ADGRL3: variants seen among roughly 807,000 people sequenced by gnomAD.
The protein encoded by ADGRL3 is adhesion G protein-coupled receptor L3.
Under a neutral mutation model 153.5 loss-of-function variants are expected in ADGRL3, and 62 were observed. The ratio of observed to expected loss-of-function variants is 0.40; its 90% CI spans 0.33 to 0.50. The LOEUF (loss-of-function observed/expected upper bound fraction) is 0.50, where lower values mean the gene tolerates loss of function less well. Ranked by LOEUF, ADGRL3 falls within the 20% of genes least tolerant of loss-of-function variation. ADGRL3 has a pLI of 0.47. For synonymous variants in ADGRL3, 710 were observed against 672.5 expected (o/e 1.06, Z -0.86); for missense variants, 1,641 against 1,859.4 (o/e 0.88, Z 2.16).
chr4:61,778,555 C>CCTAT (rs1472827090), intron 8 of ADGRL3, among the ~76,000 whole-genome samples: 2 of 152,172 alleles, frequency 1.3e-5, no homozygotes, highest in Non-Finnish European at 2.9e-5. Context: ...GTAAAAATTG[C>CCTAT]CTATCTGCAA....
At position 61,483,428 on chromosome 4, in the gene ADGRL3, T is replaced by G. The variant is rs145181235; in HGVS notation, c.-173-13693T>G. Among the ~76,000 whole-genome samples the G allele has an allele frequency of 3.4e-3, 517 of 152,318 alleles. 5 individuals carry two copies. Among genetic ancestry groups the G allele is most frequent in the African/African-American group, 0.012 (496 of 41,568 alleles). ...CAATTATGCATTCATAGACATTCTC[T>G]TGTGCTGTGTTATTAAAGAAAATTA... On this transcript the variant is annotated intron_variant, in intron 2 of 26. Transcript: ENST00000683033.
chr4:62,068,869 A>G (rs1258746216), intron 26 of ADGRL3, among the ~76,000 whole-genome samples: 1 of 152,184 alleles, frequency 6.6e-6, no homozygotes, highest in Non-Finnish European at 1.5e-5. Flanking sequence ...AAAAATTGGC[A>G]TATTTGAATC....
chr4:61,646,872 C>A (rs1048714538), intron 5 of ADGRL3, among the ~76,000 whole-genome samples: 2 of 152,224 alleles, frequency 1.3e-5, no homozygotes, highest in African/African-American at 2.4e-5. Context: ...GCCCCTCCCC[C>A]AGCCTGGCTG....
intron 2 of ADGRL3, among the ~76,000 whole-genome samples, chr4:61,479,287 T>G (rs1242698457): frequency 1.3e-5 from 2 of 152,042 alleles, no homozygotes; most frequent in African/African-American, 4.8e-5. Context: ...AAAAAGGAGC[T>G]TATAAAGAGA....
At chr4:61,859,314 G>C (rs987166466) in intron 9 of ADGRL3, among the ~76,000 whole-genome samples, 1 of 152,110 alleles carries the variant, frequency 6.6e-6, no homozygotes, top group African/African-American at 2.4e-5. Flanking sequence ...CAGAAAGGAA[G>C]CTACATGAAA....
At chr4:61,555,171 G>T (rs1456235804) in intron 4 of ADGRL3, among the ~76,000 whole-genome samples, 1 of 152,134 alleles carries the variant, frequency 6.6e-6, no homozygotes, top group Non-Finnish European at 1.5e-5. Flanking sequence ...AGCTCCTTCT[G>T]TGTTTGCTGG....
chr4:61,425,941 G>A (rs1023488669), intron 2 of ADGRL3, among the ~76,000 whole-genome samples: 10 of 152,166 alleles, frequency 6.6e-5, no homozygotes, highest in African/African-American at 2.4e-4. Context: ...ATTACCATTC[G>A]TCCCCATATC....
At chr4:62,010,075 C>T (rs571021266) in intron 21 of ADGRL3, among the ~76,000 whole-genome samples, 2 of 152,212 alleles carry the variant, frequency 1.3e-5, no homozygotes, top group African/African-American at 4.8e-5. Context: ...GATGTTTTCA[C>T]CACCCTAGAA....
chr4:61,531,360 T>C (rs772760560), intron 4 of ADGRL3, among the ~76,000 whole-genome samples: 12 of 152,172 alleles, frequency 7.9e-5, no homozygotes, highest in Non-Finnish European at 1.8e-4. Context: ...GTTGTTTGCT[T>C]CTGGGCTTTG....
intron 5 of ADGRL3, among the ~76,000 whole-genome samples, chr4:61,657,323 A>G (rs1480810944): frequency 6.6e-6 from 1 of 152,100 alleles, no homozygotes; most frequent in Non-Finnish European, 1.5e-5. Flanking sequence ...CCTGCAGCAC[A>G]CTCAAACTTC....
At chr4:61,306,943 A>G (rs185033320) in intron 1 of ADGRL3, among the ~76,000 whole-genome samples, 2 of 152,326 alleles carry the variant, frequency 1.3e-5, no homozygotes, top group Admixed American at 6.5e-5. Context: ...ATCTCCTGCT[A>G]TAAAGCAAAA....
intron 1 of ADGRL3, among the ~76,000 whole-genome samples, chr4:61,232,452 G>T (rs981083372): frequency 2.4e-4 from 37 of 151,938 alleles, no homozygotes; most frequent in African/African-American, 8.0e-4. Flanking sequence ...GGGATTACAG[G>T]CATGCACCAC....
intron 6 of ADGRL3, among the ~76,000 whole-genome samples, chr4:61,695,478 CATGCTGT>C (rs1202714856): frequency 1.3e-5 from 2 of 152,136 alleles, no homozygotes; most frequent in Non-Finnish European, 2.9e-5. Context: ...TTCAGTAGAT[CATGCTGT>C]AAACAGATGT....
At chr4:61,264,959 G>A (rs1005791007) in intron 1 of ADGRL3, among the ~76,000 whole-genome samples, 5 of 151,926 alleles carry the variant, frequency 3.3e-5, no homozygotes, top group Non-Finnish European at 7.4e-5. Context: ...TGTGTGTTTC[G>A]TGGTTACAGT....
intron 5 of ADGRL3, among the ~76,000 whole-genome samples, chr4:61,623,005 A>G (rs2092620530): frequency 6.6e-6 from 1 of 152,156 alleles, no homozygotes. Context: ...TCAAAAAATT[A>G]ATGTTCTAGA....
chr4:61,300,665 T>A (rs191859824), intron 1 of ADGRL3, among the ~76,000 whole-genome samples: 56 of 152,332 alleles, frequency 3.7e-4, no homozygotes, highest in African/African-American at 1.3e-3. Flanking sequence ...TGGCTCATGC[T>A]GGTCTTCACT....
intron 2 of ADGRL3, among the ~76,000 whole-genome samples, chr4:61,467,179 T>C (rs2097894771): frequency 6.6e-6 from 1 of 152,122 alleles, no homozygotes; most frequent in Non-Finnish European, 1.5e-5. Flanking sequence ...GTTTTTAATG[T>C]TCATAAGAGA....
At chr4:61,927,841 A>G (rs2098800919) in intron 13 of ADGRL3, among the ~76,000 whole-genome samples, 1 of 152,008 alleles carries the variant, frequency 6.6e-6, no homozygotes, top group Non-Finnish European at 1.5e-5. Flanking sequence ...AAAGAATTAA[A>G]GAAAATTTTG....
chr4:61,856,998 T>TTC (rs2098279668), intron 9 of ADGRL3, among the ~76,000 whole-genome samples: 1 of 130,114 alleles, frequency 7.7e-6, no homozygotes, highest in Non-Finnish European at 1.6e-5. Context: ...CTTTCTTTCT[T>TTC]TCTTTCTTTC....
Sources: allele counts gnomAD v4.1 joint callset (sites outside exome capture counted in the v4.1 genomes callset), GRCh38; gene constraint gnomAD v4.1.1; transcripts MANE v1.5; gene names NCBI Gene and HGNC (gene_info 2026-07-23, HGNC 2026-07-21).